The following MTDH variants were observed in gnomAD, a reference collection of about 807,000 sequenced individuals.
MTDH encodes the protein protein LYRIC.
A neutral mutation model predicts 72.7 loss-of-function variants in MTDH; 34 were observed. The observed-to-expected ratio is 0.47, with a 90% CI of 0.36 to 0.62. The LOEUF is 0.62. Ranked by LOEUF, MTDH falls within the 20% of genes least tolerant of loss-of-function variation. The pLI is 0.00. For synonymous variants in MTDH, 266 were observed against 268.9 expected (o/e 0.99, Z 0.10); for missense variants, 677 against 699.4 (o/e 0.97, Z 0.36).
Position 97,644,738 on chromosome 8 carries a change from G to C in MTDH, c.232G>C (p.Ala78Pro). The change falls in exon 1 of 12, where the codon GCC becomes CCC. Residue 78 changes from alanine to proline, a missense_variant. Coordinates refer to ENST00000336273, the MANE Select transcript of MTDH (RefSeq NM_178812.4). ...GYGWAAACAG[A>P]RKKRRSPPRK... ...CGGCTGGGCCGCGGCTTGCGCCGGCGCCCGCAAAAAGCGGAGGAGCCCGCC... is the reference window on the plus strand; with the variant it reads ...CGGCTGGGCCGCGGCTTGCGCCGGCCCCCGCAAAAAGCGGAGGAGCCCGCC... The C allele has an allele frequency of 6.3e-7, 1 of 1,575,264 alleles. No homozygotes were observed. Among genetic ancestry groups the C allele is most frequent in the South Asian group, 1.1e-5 (1 of 87,552 alleles).
intron 2 of MTDH, among the ~76,000 whole-genome samples, chr8:97,680,438 AATGAATATGTATTCATTGTCATTT>A (rs1813024914): frequency 6.6e-6 from 1 of 152,202 alleles, no homozygotes. Context: ...TTGTAGTCCC[AATGAATATGTATTCATTGTCATTT>A]AACTCATTCC....
At chr8:97,670,923 ATTTTTTTGT>A (rs1228798436) in intron 2 of MTDH, among the ~76,000 whole-genome samples, 2 of 124,894 alleles carry the variant, frequency 1.6e-5, no homozygotes, top group African/African-American at 6.2e-5. Context: ...CGCCTGGCTA[ATTTTTTTGT>A]TTTTTTTGTT....
intron 9 of MTDH, among the ~76,000 whole-genome samples, chr8:97,718,032 G>C (rs1229152026): frequency 1.3e-5 from 2 of 150,862 alleles, no homozygotes; most frequent in Non-Finnish European, 2.9e-5. Context: ...TTACAGGCAT[G>C]AGCCACAGCA....
intron 7 of MTDH, 121 bp from the exon 8 acceptor site, chr8:97,706,505 G>T: frequency 1.1e-6 from 1 of 890,932 alleles, no homozygotes; most frequent in Non-Finnish European, 1.6e-6. Context: ...CTTAAAATGT[G>T]CTTGGGAGAC....
intron 2 of MTDH, among the ~76,000 whole-genome samples, chr8:97,678,431 G>A (rs62521692): frequency 0.2 from 30,350 of 151,924 alleles, 3,295 homozygotes; most frequent in East Asian, 0.33. Flanking sequence ...AAGGGTGAAG[G>A]TGATAATCAT....
intron 2 of MTDH, among the ~76,000 whole-genome samples, chr8:97,679,920 C>T (rs1487774691): frequency 6.6e-6 from 1 of 152,192 alleles, no homozygotes; most frequent in Non-Finnish European, 1.5e-5. Context: ...TTTTGAGTAA[C>T]TCCTAATAAG....
intron 1 of MTDH, among the ~76,000 whole-genome samples, chr8:97,656,483 A>C (rs1038437469): frequency 1.3e-5 from 2 of 151,062 alleles, no homozygotes; most frequent in African/African-American, 4.9e-5. Context: ...TTGTATTTTT[A>C]GTAGAGACGG....
chr8:97,722,968 G>C lies in MTDH; in HGVS notation c.1611G>C (p.Pro537=). ...SDSDKSSSQV[P]PILQETDKSK... is the part of the protein sequence containing the mutation. Reference sequence around the variant, plus strand: ...CTGACAAGAGCTCTTCCCAAGTGCCGCCAATACTACAAGAGACAGATAAAT... The same window carrying C: ...CTGACAAGAGCTCTTCCCAAGTGCCCCCAATACTACAAGAGACAGATAAAT... Residue 537 remains proline (P), a synonymous_variant, in exon 11 of 12, where the codon CCG becomes CCC. Coordinates refer to ENST00000336273, the MANE Select transcript of MTDH (RefSeq NM_178812.4). 1.2e-6 allele frequency: 2 copies of C among 1,613,908 alleles called. No homozygotes were observed. The highest frequency in any genetic ancestry group is 1.7e-6 in the Non-Finnish European group (2 of 1,179,894).
At chr8:97,687,394 T>C (rs368404042) in intron 3 of MTDH, 35 bp from the exon 4 acceptor site, 8 of 1,551,818 alleles carry the variant, frequency 5.2e-6, no homozygotes, top group Non-Finnish European at 7.0e-6. Context: ...GTCTTCCCCT[T>C]ACTGAATAAC....
intron 1 of MTDH, among the ~76,000 whole-genome samples, chr8:97,651,098 A>G (rs1811754491): frequency 6.6e-6 from 1 of 152,240 alleles, no homozygotes; most frequent in Non-Finnish European, 1.5e-5. Context: ...CAGAAGTTCT[A>G]TAAAGTTCCC....
At chr8:97,722,477 C>G (rs1259091993) in intron 10 of MTDH, among the ~76,000 whole-genome samples, 1 of 152,098 alleles carries the variant, frequency 6.6e-6, no homozygotes, top group African/African-American at 2.4e-5. Flanking sequence ...TGGCACACGC[C>G]TGTAGTCCCA....
chr8:97,724,724 TG>T lies in MTDH; in HGVS notation c.*55del. The T allele has an allele frequency of 7.5e-7, 1 of 1,334,218 alleles. No homozygotes were observed. The highest frequency in any genetic ancestry group is 1.0e-6 in the Non-Finnish European group (1 of 966,392). 82.6% of individuals were successfully genotyped at this position (1,334,218 alleles called of 1,614,324 possible). A position where few individuals can be genotyped will look rare whatever the true frequency, so the allele number is the denominator to read the frequency against. ...TTGCAAACACTTGTCTTGAAGATTA[TG>T]CTGTTTATGCAATAATTTGTGAACA... is the stretch of plus-strand genomic sequence containing the variant. On this transcript the variant is annotated 3_prime_UTR_variant, in exon 12 of 12. Coordinates refer to ENST00000336273, the MANE Select transcript of MTDH (RefSeq NM_178812.4).
intron 2 of MTDH, among the ~76,000 whole-genome samples, chr8:97,686,124 A>G (rs1479867525): frequency 6.6e-6 from 1 of 152,254 alleles, no homozygotes; most frequent in African/African-American, 2.4e-5. Flanking sequence ...TTTGTTATAC[A>G]TAGGATACAG....
In MTDH at chr8:97,644,623, C is replaced by T; in HGVS notation, c.117C>T (p.Asp39=). 1 of 1,610,150 alleles carries T rather than the reference C, an allele frequency of 6.2e-7. No homozygotes were observed. Among genetic ancestry groups the T allele is most frequent in the Non-Finnish European group, 8.5e-7 (1 of 1,179,262 alleles). ...TTCTGCGCACCGAGCTGGGCCTCGA[C>T]CTGGGGCTGGAGCCGAAACGGTACC... is the stretch of plus-strand genomic sequence containing the variant. ...LGFLRTELGL[D]LGLEPKRYPG... Residue 39 remains aspartate (D), a synonymous_variant, in exon 1 of 12, where the codon GAC becomes GAT. Transcript: ENST00000336273.
At position 97,724,666 on chromosome 8, in the gene MTDH, C is replaced by T. The variant is rs1432616827; in HGVS notation, c.1745C>T (p.Thr582Met). Residue 582 changes from threonine (T) to methionine (M), a missense_variant, in exon 12 of 12, where the codon ACG (threonine) becomes ATG (methionine). Coordinates refer to ENST00000336273, the MANE Select transcript of MTDH (RefSeq NM_178812.4). The part of the protein sequence containing the change: ...IKKKKKARRE[T>M] ...AAGAAGAAAAAAGCCAGACGAGAAA[C>T]GTGAAATTTTTTTTCCTGAATTGGA... 10 of 1,591,956 alleles carry T rather than the reference C, an allele frequency of 6.3e-6. 1 individual carries two copies. The highest frequency in any genetic ancestry group is 3.5e-5 in the South Asian group (3 of 85,862).
At chr8:97,671,661 G>A (rs1303758015) in intron 2 of MTDH, among the ~76,000 whole-genome samples, 2 of 152,048 alleles carry the variant, frequency 1.3e-5, no homozygotes, top group Non-Finnish European at 2.9e-5. Context: ...TGGCCAACAT[G>A]AAGAAGCCCC....
At chr8:97,697,130 A>AAAAAAAAAAAAAAAAATT (rs1813874804) in intron 6 of MTDH, among the ~76,000 whole-genome samples, 1 of 93,394 alleles carries the variant, frequency 1.1e-5, no homozygotes, top group South Asian at 4.0e-4. Flanking sequence ...AAAAAAAAAA[A>AAAAAAAAAAAAAAAAATT]TATATATATA....
At chr8:97,665,616 T>C (rs1468225641) in intron 2 of MTDH, among the ~76,000 whole-genome samples, 1 of 152,166 alleles carries the variant, frequency 6.6e-6, no homozygotes, top group Non-Finnish European at 1.5e-5. Flanking sequence ...AATGGTATTT[T>C]CAGTAAGTAG....
intron 9 of MTDH, among the ~76,000 whole-genome samples, chr8:97,717,973 C>T (rs938225230): frequency 2.6e-5 from 4 of 152,134 alleles, no homozygotes; most frequent in Admixed American, 6.5e-5. Context: ...TGGTCTTGAA[C>T]TCCTGACCTC....
Sources: allele counts gnomAD v4.1 joint callset (sites outside exome capture counted in the v4.1 genomes callset), GRCh38; gene constraint gnomAD v4.1.1; transcripts MANE v1.5; gene names NCBI Gene and HGNC (gene_info 2026-07-23, HGNC 2026-07-21).